The following AHCYL2 variants were observed in gnomAD, a reference collection of about 807,000 sequenced individuals.
AHCYL2 encodes adenosylhomocysteinase like 2.
Under a neutral mutation model 81.4 loss-of-function variants are expected in AHCYL2, and 28 were observed. The ratio of observed to expected loss-of-function variants is 0.34; its 90% CI spans 0.25 to 0.47. The LOEUF (loss-of-function observed/expected upper bound fraction) is 0.47, where lower values mean the gene tolerates loss of function less well. Ranked by LOEUF, AHCYL2 falls within the 20% of genes least tolerant of loss-of-function variation. The probability of loss-of-function intolerance (pLI) is 1.00; values close to 1 mark genes in which losing one functional copy is unlikely to be tolerated. For synonymous variants in AHCYL2, 272 were observed against 290.2 expected (o/e 0.94, Z 0.64); for missense variants, 551 against 785.1 (o/e 0.70, Z 3.56).
chr7:129,288,254 GAA>G (rs1404444506), intron 1 of AHCYL2, among the ~76,000 whole-genome samples: 3 of 151,886 alleles, frequency 2.0e-5, no homozygotes, highest in African/African-American at 7.3e-5. Flanking sequence ...TGTGTTGGCA[GAA>G]TTTCCCTGAG....
At chr7:129,251,342 T>TTC (rs1491486122) in intron 1 of AHCYL2, among the ~76,000 whole-genome samples, 3 of 109,354 alleles carry the variant, frequency 2.7e-5, no homozygotes, top group Non-Finnish European at 6.0e-5. Context: ...TTTTTTTTTT[T>TTC]AAATAAGAGT....
chr7:129,237,231 A>G (rs1262196801), intron 1 of AHCYL2, among the ~76,000 whole-genome samples: 10 of 151,980 alleles, frequency 6.6e-5, no homozygotes, highest in Non-Finnish European at 1.5e-4. Context: ...ATATGGTTGT[A>G]TTTATTATAT....
In AHCYL2 at chr7:129,333,818, C is replaced by T. The variant is rs117155540; in HGVS notation, c.364-45820C>T. ...TAATAATCTTAAGTTTCTCACTGGG[C>T]TGTAAGGTTGATAGTGAACTTATGT... On this transcript the variant is annotated intron_variant, in intron 1 of 16. Coordinates refer to ENST00000325006, the MANE Select transcript of AHCYL2 (RefSeq NM_015328.4). 6.5e-3 allele frequency among the ~76,000 whole-genome samples: 989 copies of T among 152,286 alleles called. 6 individuals carry two copies. The highest frequency in any genetic ancestry group is 9.5e-3 in the Non-Finnish European group (645 of 68,026).
chr7:129,276,978 T>TA (rs1341595577), intron 1 of AHCYL2, among the ~76,000 whole-genome samples: 1 of 152,070 alleles, frequency 6.6e-6, no homozygotes, highest in African/African-American at 2.4e-5. Flanking sequence ...ACAGCTTAGA[T>TA]AAAAAGAACA....
chr7:129,357,389 T>A (rs1026533460), intron 1 of AHCYL2, among the ~76,000 whole-genome samples: 1 of 152,374 alleles, frequency 6.6e-6, no homozygotes, highest in Admixed American at 6.5e-5. Flanking sequence ...AACTCTGTAC[T>A]ATTTTTGCAA....
At chr7:129,328,913 T>G (rs945524829) in intron 1 of AHCYL2, among the ~76,000 whole-genome samples, 14 of 152,240 alleles carry the variant, frequency 9.2e-5, no homozygotes, top group African/African-American at 3.4e-4. Flanking sequence ...TTTTTCTCCT[T>G]TATTTTCTTA....
chr7:129,364,480 G>A (rs987341959), intron 1 of AHCYL2, among the ~76,000 whole-genome samples: 3 of 151,944 alleles, frequency 2.0e-5, no homozygotes, highest in Admixed American at 1.3e-4. Flanking sequence ...TAGTAGAGAC[G>A]GGGTTTCACC....
intron 12 of AHCYL2, among the ~76,000 whole-genome samples, chr7:129,417,449 G>A (rs1024072723): frequency 4.6e-4 from 70 of 152,216 alleles, no homozygotes; most frequent in African/African-American, 1.6e-3. Flanking sequence ...TCTGACTTAC[G>A]TTTTTAAAGG....
intron 1 of AHCYL2, among the ~76,000 whole-genome samples, chr7:129,300,891 G>C (rs1437248117): frequency 6.6e-6 from 1 of 152,212 alleles, no homozygotes; most frequent in Non-Finnish European, 1.5e-5. Context: ...CTGGAGCGCA[G>C]TGGCACAATC....
chr7:129,418,667 G>C (rs1055811384), intron 12 of AHCYL2, among the ~76,000 whole-genome samples: 4 of 152,108 alleles, frequency 2.6e-5, no homozygotes, highest in Non-Finnish European at 5.9e-5. Context: ...CCCAGCTATT[G>C]AGGAGGCTGA....
chr7:129,261,397 A>T (rs185860014), intron 1 of AHCYL2, among the ~76,000 whole-genome samples: 6 of 152,228 alleles, frequency 3.9e-5, no homozygotes, highest in Non-Finnish European at 1.5e-5. Flanking sequence ...GATTTACATT[A>T]AACAATTGAT....
At chr7:129,299,782 A>G (rs1419515199) in intron 1 of AHCYL2, among the ~76,000 whole-genome samples, 1 of 152,178 alleles carries the variant, frequency 6.6e-6, no homozygotes, top group Non-Finnish European at 1.5e-5. Context: ...ACCACATGGC[A>G]TAGAAGTACA....
At chr7:129,243,833 T>A (rs1794951018) in intron 1 of AHCYL2, among the ~76,000 whole-genome samples, 1 of 152,094 alleles carries the variant, frequency 6.6e-6, no homozygotes, top group Admixed American at 6.5e-5. Flanking sequence ...GGCCTCGTGA[T>A]CCACCTGCCT....
chr7:129,234,275 T>A (rs370158733), intron 1 of AHCYL2, among the ~76,000 whole-genome samples: 1 of 152,080 alleles, frequency 6.6e-6, no homozygotes, highest in African/African-American at 2.4e-5. Context: ...GATGGAGCCT[T>A]ACTCTGTCAC....
chr7:129,229,563 A>C (rs1794347043), intron 1 of AHCYL2, among the ~76,000 whole-genome samples: 1 of 152,162 alleles, frequency 6.6e-6, no homozygotes, highest in African/African-American at 2.4e-5. Context: ...TGTCCTTTTC[A>C]TTATGCCACA....
intron 1 of AHCYL2, among the ~76,000 whole-genome samples, chr7:129,371,908 AT>A (rs907604582): frequency 6.6e-6 from 1 of 152,214 alleles, no homozygotes; most frequent in African/African-American, 2.4e-5. Context: ...GTTTTGAGGA[AT>A]ATCTGAACCA....
intron 1 of AHCYL2, among the ~76,000 whole-genome samples, chr7:129,255,778 A>G (rs1795397971): frequency 6.6e-6 from 1 of 152,122 alleles, no homozygotes; most frequent in Admixed American, 6.5e-5. Context: ...CAGCCTGCCA[A>G]CATGGTGAAA....
chr7:129,228,590 G>A (rs1351608381), intron 1 of AHCYL2, among the ~76,000 whole-genome samples: 1 of 152,242 alleles, frequency 6.6e-6, no homozygotes, highest in African/African-American at 2.4e-5. Flanking sequence ...CAGGGAATGA[G>A]GTAGTACTAG....
intron 12 of AHCYL2, among the ~76,000 whole-genome samples, chr7:129,418,664 A>G (rs1311927236): frequency 1.3e-5 from 2 of 152,032 alleles, no homozygotes; most frequent in African/African-American, 2.4e-5. Flanking sequence ...GTCCCCAGCT[A>G]TTGAGGAGGC....
Sources: allele counts gnomAD v4.1 joint callset (sites outside exome capture counted in the v4.1 genomes callset), GRCh38; gene constraint gnomAD v4.1.1; transcripts MANE v1.5; gene names NCBI Gene and HGNC (gene_info 2026-07-23, HGNC 2026-07-21).